The following SH3D19 variants were observed in gnomAD, a reference collection of about 807,000 sequenced individuals.
SH3D19 encodes SH3 domain-containing protein 19.
SH3D19 carries 58 observed loss-of-function variants against 112.1 expected under a neutral mutation model. The ratio of observed to expected loss-of-function variants is 0.52; its 90% CI spans 0.42 to 0.64. SH3D19 has a LOEUF of 0.64. SH3D19 is among the 30% of genes least tolerant of loss of function. The probability of loss-of-function intolerance (pLI) is 0.00; values close to 1 mark genes in which losing one functional copy is unlikely to be tolerated. For missense variants in SH3D19, 1,090 were observed against 1,263.4 expected (o/e 0.86, Z 2.08); for synonymous variants, 391 against 448.5 (o/e 0.87, Z 1.62).
intron 11 of SH3D19, among the ~76,000 whole-genome samples, chr4:151,144,754 A>G (rs538521267): frequency 6.6e-6 from 1 of 152,112 alleles, no homozygotes; most frequent in African/African-American, 2.4e-5. Context: ...TCTGATACCA[A>G]GTGTCTACTT....
intron 1 of SH3D19, among the ~76,000 whole-genome samples, chr4:151,261,817 G>A (rs1280816999): frequency 6.6e-6 from 1 of 152,184 alleles, no homozygotes; most frequent in Non-Finnish European, 1.5e-5. Flanking sequence ...GTTCTGTTCA[G>A]TCTGAGAAGT....
rs148598083 is a variant in SH3D19, at chr4:151,220,058, T to C, written c.152+5989A>G. Among the ~76,000 whole-genome samples the C allele has an allele frequency of 3.0e-3, 463 of 152,354 alleles. 1 individual carries two copies. Among genetic ancestry groups the C allele is most frequent in the Admixed American group, 9.9e-3 (152 of 15,302 alleles). Reference sequence around the variant, plus strand: ...CCTCATTGATCCGTAATGCTGCCTCTATCATACCACATGACACAGAACTCT... The same window carrying C: ...CCTCATTGATCCGTAATGCTGCCTCCATCATACCACATGACACAGAACTCT... On this transcript the variant is annotated intron_variant, in intron 2 of 19. Coordinates refer to ENST00000604030, the MANE Select transcript of SH3D19 (RefSeq NM_001378122.1).
chr4:151,289,908 C>T (rs143582162), intron 1 of SH3D19, among the ~76,000 whole-genome samples: 40 of 152,266 alleles, frequency 2.6e-4, no homozygotes, highest in Middle Eastern at 3.4e-3. Context: ...AGGGAGACCC[C>T]ATCTCTAAAT....
At chr4:151,237,515 C>T (rs944353839) in intron 1 of SH3D19, among the ~76,000 whole-genome samples, 1 of 129,216 alleles carries the variant, frequency 7.7e-6, no homozygotes, top group South Asian at 2.7e-4. Flanking sequence ...AGCAGGAACT[C>T]TAGGTCAGAC....
intron 6 of SH3D19, 152 bp downstream of exon 6, chr4:151,176,382 C>T (rs901470537): frequency 7.8e-6 from 4 of 509,798 alleles, no homozygotes; most frequent in African/African-American, 5.9e-5. Context: ...CACTGCACAC[C>T]CAAATAAAGC....
intron 2 of SH3D19, among the ~76,000 whole-genome samples, chr4:151,217,197 G>A (rs987372159): frequency 6.6e-6 from 1 of 152,122 alleles, no homozygotes; most frequent in African/African-American, 2.4e-5. Flanking sequence ...AACCCCAGCA[G>A]AGCATGGTAT....
At chr4:151,226,186 AC>A in intron 1 of SH3D19, 100 bp from the exon 2 acceptor site, 2 of 1,229,420 alleles carry the variant, frequency 1.6e-6, no homozygotes, top group South Asian at 8.3e-5. Flanking sequence ...TTCACAAAGG[AC>A]TGTTCAAAGG....
At chr4:151,169,731 A>G (rs1431108884) in intron 7 of SH3D19, among the ~76,000 whole-genome samples, 1 of 152,186 alleles carries the variant, frequency 6.6e-6, no homozygotes, top group South Asian at 2.1e-4. Flanking sequence ...ATGTTTAAAG[A>G]TCATAACCTT....
chr4:151,147,939 G>A lies in SH3D19; in HGVS notation c.2065C>T (p.Leu689Phe). 1.9e-6 allele frequency: 3 copies of A among 1,611,962 alleles called. No homozygotes were observed. The highest frequency in any genetic ancestry group is 1.7e-6 in the Non-Finnish European group (2 of 1,179,324). The change falls in exon 11 of 20, where the codon CTC (leucine) becomes TTC (phenylalanine). Residue 689 changes from leucine (L) to phenylalanine (F), a missense_variant. By Grantham distance (22) the Leu-to-Phe change is conservative. Transcript: ENST00000604030. ...AAATTTACCATGTATTTACTGTAGA[G>A]AGGGTGTCCTGGTTTGGGACGAGGG... ...LPPRPKPGHP[L>F]YSKYMRGDVL...
intron 1 of SH3D19, among the ~76,000 whole-genome samples, chr4:151,324,269 T>C (rs559501017): frequency 1.3e-5 from 2 of 152,296 alleles, no homozygotes; most frequent in African/African-American, 4.8e-5. Flanking sequence ...TCTTCTCTAT[T>C]TTTCCAACTT....
At chr4:151,132,037 T>C (rs563579028) in intron 17 of SH3D19, among the ~76,000 whole-genome samples, 15 of 152,054 alleles carry the variant, frequency 9.9e-5, no homozygotes, top group Admixed American at 2.0e-4. Flanking sequence ...TTGGCCAGGC[T>C]GGTCTCGAAC....
At chr4:151,144,096 A>G in intron 11 of SH3D19, 46 bp from the exon 12 acceptor site, 2 of 1,591,176 alleles carry the variant, frequency 1.3e-6, no homozygotes, top group Non-Finnish European at 1.7e-6. Flanking sequence ...TATTTAATAA[A>G]ACATTATTAC....
chr4:151,228,109 T>C (rs1769276888), intron 1 of SH3D19: 1 of 860,530 alleles, frequency 1.2e-6, no homozygotes, highest in Non-Finnish European at 1.4e-6. Context: ...AAAATACAAA[T>C]GTCTTCTCAT....
intron 1 of SH3D19, among the ~76,000 whole-genome samples, chr4:151,278,289 GAC>G (rs1359054041): frequency 6.6e-6 from 1 of 151,106 alleles, no homozygotes; most frequent in Admixed American, 6.6e-5. Context: ...TTTTTTAAGA[GAC>G]AGAGTCTCAC....
At chr4:151,129,841 G>T (rs531829324) in intron 17 of SH3D19, among the ~76,000 whole-genome samples, 16 of 152,290 alleles carry the variant, frequency 1.1e-4, no homozygotes, top group African/African-American at 3.6e-4. Context: ...CCAGTGCCTG[G>T]CACATCTTAA....
intron 4 of SH3D19, among the ~76,000 whole-genome samples, chr4:151,178,409 C>T (rs1760287934): frequency 6.6e-6 from 1 of 152,216 alleles, no homozygotes; most frequent in African/African-American, 2.4e-5. Context: ...CACACATACT[C>T]ATGCTACATT....
intron 3 of SH3D19, among the ~76,000 whole-genome samples, chr4:151,183,209 G>A (rs1302345423): frequency 6.6e-6 from 1 of 151,848 alleles, no homozygotes; most frequent in Non-Finnish European, 1.5e-5. Context: ...TCAGGCTGGT[G>A]TCGAATTCCT....
Position 151,277,264 on chromosome 4 carries a change from A to G in SH3D19, c.112+47977T>C, listed in dbSNP as rs776128617. On this transcript the variant is annotated intron_variant, in intron 1 of 19. Transcript: ENST00000604030. ...GGGGTTGAGAAGGCAGAGGCAGAGG[A>G]TTTTTACTAAAGAGGGCATCACATA... is the stretch of plus-strand genomic sequence containing the variant. 4.9e-6 allele frequency: 7 copies of G among 1,439,536 alleles called. No homozygotes were observed. In the East Asian group the frequency reaches 1.5e-4, roughly 31 times the overall value. The allele number at this position is 1,439,536 out of a possible 1,614,324, so 89.2% of individuals were successfully genotyped here.
At chr4:151,199,667 T>C (rs888843154) in intron 2 of SH3D19, among the ~76,000 whole-genome samples, 2 of 152,024 alleles carry the variant, frequency 1.3e-5, no homozygotes, top group East Asian at 1.9e-4. Context: ...TCATCTAGCC[T>C]CCCCTTGTGA....
Sources: gnomAD v4.1 joint callset for allele counts (sites outside exome capture counted in the v4.1 genomes callset) on GRCh38, gnomAD v4.1.1 for gene constraint, MANE v1.5 for transcripts, NCBI Gene and HGNC (gene_info 2026-07-23, HGNC 2026-07-21) for gene names.